The following PDE4D variants were observed in gnomAD, a reference collection of about 807,000 sequenced individuals.
PDE4D encodes 3',5'-cyclic-AMP phosphodiesterase 4D.
PDE4D carries 24 observed loss-of-function variants against 87.4 expected under a neutral mutation model. That is an observed-to-expected ratio of 0.27 (90% CI 0.20 to 0.39). The LOEUF is 0.39. Among genes scored for constraint, PDE4D ranks in the 10% least tolerant of loss-of-function variants. PDE4D has a pLI of 1.00. For missense variants in PDE4D, 714 were observed against 1,041.0 expected (o/e 0.69, Z 4.32); for synonymous variants, 384 against 383.2 (o/e 1.00, Z -0.02).
intron 1 of PDE4D, among the ~76,000 whole-genome samples, chr5:60,514,332 C>T (rs1369143695): frequency 6.6e-6 from 1 of 151,940 alleles, no homozygotes; most frequent in Non-Finnish European, 1.5e-5. Flanking sequence ...GGAACCACTC[C>T]CAACTTGTAT....
At chr5:59,504,853 C>T (rs996121490) in intron 1 of PDE4D, among the ~76,000 whole-genome samples, 1 of 151,622 alleles carries the variant, frequency 6.6e-6, no homozygotes, top group Non-Finnish European at 1.5e-5. Flanking sequence ...AGAAAAACCT[C>T]ATAATTTTAT....
At position 59,205,357 on chromosome 5, in the gene PDE4D, A is replaced by G. The variant is rs146904345; in HGVS notation, c.647+10420T>C. Among the ~76,000 whole-genome samples the G allele has an allele frequency of 4.7e-4, 71 of 152,286 alleles. 2 individuals are homozygous for G. The East Asian group carries it at 0.013, about 29-fold the overall frequency. On this transcript the variant is annotated intron_variant, in intron 2 of 14. Transcript: ENST00000340635. Reference sequence around the variant, plus strand: ...TTAATGTTCTTTACCTGGCAAAATAAGGAGTTAGTAACCCTAGGTCAGTGT... The same window carrying G: ...TTAATGTTCTTTACCTGGCAAAATAGGGAGTTAGTAACCCTAGGTCAGTGT...
At chr5:59,156,776 C>T (rs907696832) in intron 5 of PDE4D, among the ~76,000 whole-genome samples, 10 of 151,808 alleles carry the variant, frequency 6.6e-5, no homozygotes, top group African/African-American at 1.5e-4. Flanking sequence ...GTATATACAG[C>T]GAAATTTTCA....
At chr5:60,242,345 T>C (rs1747224843) in intron 1 of PDE4D, among the ~76,000 whole-genome samples, 1 of 152,002 alleles carries the variant, frequency 6.6e-6, no homozygotes, top group Non-Finnish European at 1.5e-5. Context: ...TTATTAGAGA[T>C]AAAGAAACAG....
At chr5:60,205,229 C>G (rs2149555751) in intron 1 of PDE4D, among the ~76,000 whole-genome samples, 1 of 152,260 alleles carries the variant, frequency 6.6e-6, no homozygotes, top group East Asian at 1.9e-4. Context: ...CACACTCAGG[C>G]TCTGTCTTCC....
chr5:59,701,363 A>G (rs566185378), intron 1 of PDE4D, among the ~76,000 whole-genome samples: 1 of 152,294 alleles, frequency 6.6e-6, no homozygotes, highest in South Asian at 2.1e-4. Flanking sequence ...CCCTGCTCCA[A>G]TTTGAACTAC....
intron 1 of PDE4D, among the ~76,000 whole-genome samples, chr5:59,225,317 T>G (rs1257176526): frequency 6.6e-6 from 1 of 152,098 alleles, no homozygotes; most frequent in African/African-American, 2.4e-5. Flanking sequence ...TGACTGTGTA[T>G]GTGTGAGTTT....
At chr5:60,475,823 G>GA (rs397792795) in intron 1 of PDE4D, among the ~76,000 whole-genome samples, 16,632 of 94,964 alleles carry the variant, frequency 0.18, 1,987 homozygotes, top group African/African-American at 0.34. Context: ...TCTGTTAAAT[G>GA]AAAAAAAAAA....
chr5:60,106,698 A>C (rs1342022411), intron 2 of PDE4D, among the ~76,000 whole-genome samples: 2 of 152,234 alleles, frequency 1.3e-5, no homozygotes, highest in Non-Finnish European at 2.9e-5. Flanking sequence ...CTCAGGATTA[A>C]GAAACTCATT....
At chr5:60,356,979 T>C (rs1759675972) in intron 1 of PDE4D, among the ~76,000 whole-genome samples, 1 of 152,084 alleles carries the variant, frequency 6.6e-6, no homozygotes, top group Non-Finnish European at 1.5e-5. Context: ...CTAGCTCCAA[T>C]GTCATAAATT....
At chr5:60,191,741 C>CA (rs1785216739) in intron 1 of PDE4D, among the ~76,000 whole-genome samples, 1 of 152,134 alleles carries the variant, frequency 6.6e-6, no homozygotes, top group Non-Finnish European at 1.5e-5. Context: ...TCGTGCCTGT[C>CA]ATCCCAGCAC....
intron 1 of PDE4D, among the ~76,000 whole-genome samples, chr5:60,268,791 G>C (rs1298893563): frequency 6.6e-6 from 1 of 152,156 alleles, no homozygotes; most frequent in Non-Finnish European, 1.5e-5. Flanking sequence ...CATGTCATTT[G>C]TCAGATCCTC....
At chr5:59,738,263 C>T (rs1758356491) in intron 1 of PDE4D, among the ~76,000 whole-genome samples, 1 of 152,156 alleles carries the variant, frequency 6.6e-6, no homozygotes, top group Admixed American at 6.5e-5. Context: ...TTGTACCAAA[C>T]ATCACATTTG....
intron 1 of PDE4D, among the ~76,000 whole-genome samples, chr5:59,878,019 C>CT (rs1247390848): frequency 6.6e-6 from 1 of 152,000 alleles, no homozygotes; most frequent in Non-Finnish European, 1.5e-5. Context: ...AAAACCAAAG[C>CT]TGGAAAGGCT....
intron 1 of PDE4D, among the ~76,000 whole-genome samples, chr5:59,322,988 C>T (rs1774988102): frequency 6.6e-6 from 1 of 152,078 alleles, no homozygotes; most frequent in Non-Finnish European, 1.5e-5. Flanking sequence ...ATGCACCTTG[C>T]AATAATAGAT....
At chr5:59,117,563 G>C (rs1773809452) in intron 5 of PDE4D, among the ~76,000 whole-genome samples, 1 of 152,020 alleles carries the variant, frequency 6.6e-6, no homozygotes, top group East Asian at 1.9e-4. Flanking sequence ...AGCATTTCCT[G>C]GCTAAGCTGG....
Position 60,415,160 on chromosome 5 carries a change from C to T in PDE4D, c.-90+72782G>A, listed in dbSNP as rs557487500. Among the ~76,000 whole-genome samples, 4 of 152,358 alleles carry T rather than the reference C, an allele frequency of 2.6e-5. No homozygotes were observed. In the South Asian group the frequency reaches 8.3e-4, roughly 32 times the overall value. ...GGTTCCCTTCTTTCAGCACCTATTT[C>T]CTAGACCCTCTGCATCTGATCAGGC... On this transcript the variant is annotated intron_variant, in intron 1 of 16. Coordinates refer to the PDE4D transcript ENST00000502484.
chr5:59,541,396 C>G (rs981118794), intron 1 of PDE4D, among the ~76,000 whole-genome samples: 4 of 152,212 alleles, frequency 2.6e-5, no homozygotes, highest in African/African-American at 9.7e-5. Flanking sequence ...ATAACAACCT[C>G]TAACACCCAG....
Position 60,456,575 on chromosome 5 carries a change from A to G in PDE4D, c.-90+31367T>C, listed in dbSNP as rs561705669. On this transcript the variant is annotated intron_variant, in intron 1 of 16. Transcript: ENST00000502484. ...ATCCCTGCCCAATTAGCACAAGAGG[A>G]TGAATTTTCTTCAGCAATAAACCCC... is the stretch of plus-strand genomic sequence containing the variant. 1.2e-3 allele frequency among the ~76,000 whole-genome samples: 182 copies of G among 152,320 alleles called. 1 individual carries two copies. The highest frequency in any genetic ancestry group is 4.3e-3 in the African/African-American group (178 of 41,564).
Sources: gnomAD v4.1 joint callset for allele counts (sites outside exome capture counted in the v4.1 genomes callset) on GRCh38, gnomAD v4.1.1 for gene constraint, MANE v1.5 for transcripts, NCBI Gene and HGNC (gene_info 2026-07-23, HGNC 2026-07-21) for gene names.